Variants in ABCC4 observed in about 807,000 individuals in gnomAD.
ABCC4 encodes ATP-binding cassette sub-family C member 4.
A neutral mutation model predicts 168.5 loss-of-function variants in ABCC4; 102 were observed. The ratio of observed to expected loss-of-function variants is 0.61; its 90% CI spans 0.52 to 0.71. ABCC4 has a LOEUF of 0.71. ABCC4 is among the 30% of genes least tolerant of loss of function. ABCC4 has a pLI of 0.00. For synonymous variants in ABCC4, 617 were observed against 590.7 expected, an observed-to-expected ratio of 1.04 and a Z score of -0.65; for missense variants, 1,402 against 1,605.8, an observed-to-expected ratio of 0.87 and a Z score of 2.17.
intron 19 of ABCC4, among the ~76,000 whole-genome samples, chr13:95,150,185 A>G (rs1566466468): frequency 6.6e-6 from 1 of 152,010 alleles, no homozygotes; most frequent in Non-Finnish European, 1.5e-5. Context: ...GCTGCTTTCA[A>G]ACTCCTGGCC....
intron 1 of ABCC4, among the ~76,000 whole-genome samples, chr13:95,260,248 C>T (rs953806539): frequency 2.6e-5 from 4 of 152,178 alleles, no homozygotes; most frequent in African/African-American, 9.7e-5. Flanking sequence ...AAAATCCCTA[C>T]CTCAGCCTGG....
intron 30 of ABCC4, among the ~76,000 whole-genome samples, chr13:95,029,176 A>C (rs796576522): frequency 0.11 from 5,547 of 50,890 alleles, 380 homozygotes; most frequent in Admixed American, 0.19. Context: ...ACATATATAT[A>C]TATATATATA....
At chr13:95,258,140 C>T (rs977872257) in intron 1 of ABCC4, among the ~76,000 whole-genome samples, 1 of 152,180 alleles carries the variant, frequency 6.6e-6, no homozygotes, top group African/African-American at 2.4e-5. Flanking sequence ...TTTCAGGACC[C>T]CAACAGCCTG....
At chr13:95,199,899 C>T (rs746969112) in intron 8 of ABCC4, among the ~76,000 whole-genome samples, 23 of 152,216 alleles carry the variant, frequency 1.5e-4, no homozygotes, top group Non-Finnish European at 2.2e-4. Context: ...AACCCTTCCC[C>T]ATCTCTCTCC....
At chr13:95,227,763 C>T (rs1325209890) in intron 4 of ABCC4, among the ~76,000 whole-genome samples, 2 of 152,230 alleles carry the variant, frequency 1.3e-5, no homozygotes, top group South Asian at 2.1e-4. Context: ...CGCTGGAGTG[C>T]GGTGGCACGG....
At chr13:95,232,128 A>ATGGTGGTGG (rs56881654) in intron 4 of ABCC4, among the ~76,000 whole-genome samples, 1 of 135,362 alleles carries the variant, frequency 7.4e-6, no homozygotes, top group African/African-American at 2.7e-5. Context: ...GCTGATGATG[A>ATGGTGGTGG]TGGTGGTGGT....
intron 29 of ABCC4, among the ~76,000 whole-genome samples, chr13:95,035,378 C>G (rs1301124226): frequency 6.6e-6 from 1 of 152,144 alleles, no homozygotes; most frequent in Non-Finnish European, 1.5e-5. Context: ...GAAAGGCTAG[C>G]CGAAAAAGCT....
intron 1 of ABCC4, among the ~76,000 whole-genome samples, chr13:95,272,321 T>C (rs1165062467): frequency 1.3e-5 from 2 of 152,030 alleles, no homozygotes; most frequent in Non-Finnish European, 2.9e-5. Context: ...ATTACAGGTG[T>C]GAGCCAACAC....
At chr13:95,029,235 G>T (rs2031740921) in intron 30 of ABCC4, among the ~76,000 whole-genome samples, 2 of 15,890 alleles carry the variant, frequency 1.3e-4, no homozygotes, top group African/African-American at 4.7e-4. Context: ...GAGAGAGAGA[G>T]AGAGAGAGAG....
chr13:95,256,176 T>G (rs2040386513), intron 1 of ABCC4, among the ~76,000 whole-genome samples: 1 of 152,214 alleles, frequency 6.6e-6, no homozygotes, highest in South Asian at 2.1e-4. Flanking sequence ...TTGAAACTCC[T>G]GGGCTCAAGC....
intron 20 of ABCC4, among the ~76,000 whole-genome samples, chr13:95,108,676 G>A (rs1472570531): frequency 6.7e-6 from 1 of 149,772 alleles, no homozygotes; most frequent in Non-Finnish European, 1.5e-5. Flanking sequence ...GAGACAGAGT[G>A]TGTCGTCCAG....
rs543166259 is a variant in ABCC4, at chr13:95,152,528, G to A, written c.2455+8661C>T. ...GGCAAGGAAGACAAGGGGGAAACAA[G>A]GCTAACATAAGACAAGGGTGGTAAA... On this transcript the variant is annotated intron_variant, in intron 19 of 30. Coordinates refer to ENST00000645237, the MANE Select transcript of ABCC4 (RefSeq NM_005845.5). Among the ~76,000 whole-genome samples the A allele has an allele frequency of 8.5e-5, 13 of 152,210 alleles. 2 individuals carry two copies. The highest frequency in any genetic ancestry group is 5.2e-4 in the Admixed American group (8 of 15,278).
At chr13:95,105,956 C>G (rs2034987955) in intron 20 of ABCC4, among the ~76,000 whole-genome samples, 1 of 152,204 alleles carries the variant, frequency 6.6e-6, no homozygotes, top group South Asian at 2.1e-4. Flanking sequence ...CACGTGTGCA[C>G]AGGGTAAGCC....
chr13:95,165,128 C>G (rs1594214801), intron 15 of ABCC4, among the ~76,000 whole-genome samples: 1 of 152,128 alleles, frequency 6.6e-6, no homozygotes, highest in South Asian at 2.1e-4. Flanking sequence ...ACCTAGCACA[C>G]CCAAATTCAA....
At position 95,266,874 on chromosome 13, in the gene ABCC4, C is replaced by T. The variant is rs1314430961; in HGVS notation, c.75-19121G>A. Among the ~76,000 whole-genome samples, 3 of 122,250 alleles carry T rather than the reference C, an allele frequency of 2.5e-5. No homozygotes were observed. In the East Asian group the frequency reaches 7.6e-4, roughly 31 times the overall value. The allele number at this position is 122,250 out of a possible 152,430, so 80.2% of individuals were successfully genotyped here. A position where few individuals can be genotyped will look rare whatever the true frequency, so the allele number is the denominator to read the frequency against. On this transcript the variant is annotated intron_variant, in intron 1 of 30. Coordinates refer to ENST00000645237, the MANE Select transcript of ABCC4 (RefSeq NM_005845.5). ...AGTTTCGCTCTGTCTCCACTCAAATCTCATCTTTTTTTTTTTTTTTTGAGA... is the reference window on the plus strand; with the variant it reads ...AGTTTCGCTCTGTCTCCACTCAAATTTCATCTTTTTTTTTTTTTTTTGAGA...
At chr13:95,233,289 G>T (rs1466474689) in intron 4 of ABCC4, among the ~76,000 whole-genome samples, 1 of 146,306 alleles carries the variant, frequency 6.8e-6, no homozygotes, top group Non-Finnish European at 1.5e-5. Flanking sequence ...AGTAAACCAA[G>T]ATGATTTAAA....
intron 20 of ABCC4, among the ~76,000 whole-genome samples, chr13:95,096,563 T>C (rs1178664761): frequency 6.6e-6 from 1 of 151,922 alleles, no homozygotes; most frequent in East Asian, 1.9e-4. Context: ...AAAGCAGCCA[T>C]GAAGAGTCAT....
At chr13:95,113,859 A>T (rs2035285320) in intron 20 of ABCC4, among the ~76,000 whole-genome samples, 1 of 152,218 alleles carries the variant, frequency 6.6e-6, no homozygotes, top group Non-Finnish European at 1.5e-5. Context: ...GAATGTTGGG[A>T]AATGTCCCTC....
At chr13:95,138,915 T>G (rs978624318) in intron 19 of ABCC4, among the ~76,000 whole-genome samples, 1 of 152,142 alleles carries the variant, frequency 6.6e-6, no homozygotes, top group Non-Finnish European at 1.5e-5. Flanking sequence ...TTCCCTTACC[T>G]CCAGGGCTGC....
Sources: gnomAD v4.1 joint callset for allele counts (sites outside exome capture counted in the v4.1 genomes callset) on GRCh38, gnomAD v4.1.1 for gene constraint, MANE v1.5 for transcripts, NCBI Gene and HGNC (gene_info 2026-07-23, HGNC 2026-07-21) for gene names.